Variants in PPARGC1A observed in about 807,000 individuals in gnomAD.
PPARGC1A encodes the protein PPARG coactivator 1 alpha, also known as peroxisome proliferator-activated receptor gamma coactivator 1-alpha.
Under a neutral mutation model 88.7 loss-of-function variants are expected in PPARGC1A, and 25 were observed. That is an observed-to-expected ratio of 0.28 (90% CI 0.21 to 0.39). PPARGC1A has a LOEUF of 0.39. Among genes scored for constraint, PPARGC1A ranks in the 10% least tolerant of loss-of-function variants. PPARGC1A has a pLI of 1.00. For synonymous variants in PPARGC1A, 363 were observed against 355.6 expected (o/e 1.02, Z -0.24); for missense variants, 880 against 968.7 (o/e 0.91, Z 1.22).
At chr4:24,442,961 C>A in the PPARGC1A span, among the ~76,000 whole-genome samples, 1 of 152,158 alleles carries the variant, frequency 6.6e-6, no homozygotes, top group Non-Finnish European at 1.5e-5. Flanking sequence ...GACGCAAAGA[C>A]AAGCTGCCTG....
At chr4:24,236,331 T>A in the PPARGC1A span, among the ~76,000 whole-genome samples, 1 of 152,128 alleles carries the variant, frequency 6.6e-6, no homozygotes, top group Middle Eastern at 3.2e-3. Flanking sequence ...ACTAAGGTAG[T>A]CATAAAATGG....
the PPARGC1A span, among the ~76,000 whole-genome samples, chr4:24,444,085 T>C: frequency 1.1e-4 from 16 of 152,044 alleles, no homozygotes; most frequent in Admixed American, 6.5e-4. Flanking sequence ...TTGCCCAGAC[T>C]GGAGTGCAGT....
At chr4:23,966,248 T>A in the PPARGC1A span, among the ~76,000 whole-genome samples, 1 of 152,314 alleles carries the variant, frequency 6.6e-6, no homozygotes. Context: ...GAGAGGTCAT[T>A]TCTCCTAAGG....
At chr4:24,238,772 TGTGTGTGTGTGTG>T in the PPARGC1A span, among the ~76,000 whole-genome samples, 1 of 151,110 alleles carries the variant, frequency 6.6e-6, no homozygotes, top group African/African-American at 2.4e-5. Context: ...TGTGTGTGTG[TGTGTGTGTGTGTG>T]TGTGTGTGTG....
chr4:24,051,628 T>A, the PPARGC1A span, among the ~76,000 whole-genome samples: 1 of 152,192 alleles, frequency 6.6e-6, no homozygotes, highest in African/African-American at 2.4e-5. Flanking sequence ...TTTCTTAAAT[T>A]TGTCACTGAA....
the PPARGC1A span, among the ~76,000 whole-genome samples, chr4:24,267,509 C>T: frequency 2.0e-5 from 3 of 152,158 alleles, no homozygotes; most frequent in Non-Finnish European, 2.9e-5. Flanking sequence ...TTGGCTCCTC[C>T]TTTTGTGACT....
chr4:23,828,932 C>T (rs969214832), intron 4 of PPARGC1A, among the ~76,000 whole-genome samples: 3 of 152,150 alleles, frequency 2.0e-5, no homozygotes, highest in Non-Finnish European at 4.4e-5. Flanking sequence ...ATTGCTGACG[C>T]CCAGTACTCA....
the PPARGC1A span, among the ~76,000 whole-genome samples, chr4:24,219,075 T>G: frequency 6.6e-6 from 1 of 152,330 alleles, no homozygotes; most frequent in East Asian, 1.9e-4. Flanking sequence ...GGGCTTATTT[T>G]CTCCCTTAGG....
At chr4:24,299,505 C>T in the PPARGC1A span, among the ~76,000 whole-genome samples, 1 of 152,122 alleles carries the variant, frequency 6.6e-6, no homozygotes, top group Non-Finnish European at 1.5e-5. Flanking sequence ...AAGTATCTTC[C>T]AGGGGCTAAA....
chr4:24,189,872 C>A, the PPARGC1A span, among the ~76,000 whole-genome samples: 1 of 152,156 alleles, frequency 6.6e-6, no homozygotes, highest in African/African-American at 2.4e-5. Context: ...TTCCACCCAG[C>A]AGCAGTGCCT....
chr4:24,085,168 AT>A, the PPARGC1A span, among the ~76,000 whole-genome samples: 52 of 150,252 alleles, frequency 3.5e-4, no homozygotes, highest in East Asian at 1.4e-3. Flanking sequence ...AAACCTACTT[AT>A]TTTTTTTTTC....
Position 23,889,884 on chromosome 4 carries a change from C to G in PPARGC1A, c.54+20G>C, listed in dbSNP as rs750381329. ...GAAGCGTCAGTTGTGGCTGCAGCGC[C>G]GAGCCCTGCCCCAGCTCACCTCGAT... On this transcript the variant is annotated intron_variant, in intron 1 of 12. Transcript: ENST00000264867. The G allele has an allele frequency of 1.2e-6, 2 of 1,612,178 alleles. No individual in the cohort carries two copies. The highest frequency in any genetic ancestry group is 1.7e-6 in the Non-Finnish European group (2 of 1,178,986).
intron 2 of PPARGC1A, among the ~76,000 whole-genome samples, chr4:23,862,931 C>T (rs1202979026): frequency 1.3e-5 from 2 of 152,192 alleles, no homozygotes; most frequent in Non-Finnish European, 2.9e-5. Context: ...GACTTCCTTC[C>T]AATAGCAGCC....
the PPARGC1A span, among the ~76,000 whole-genome samples, chr4:24,367,061 A>G: frequency 5.9e-5 from 9 of 152,322 alleles, no homozygotes; most frequent in East Asian, 1.7e-3. Context: ...ATCATAATGG[A>G]TAAAATTGTT....
the PPARGC1A span, among the ~76,000 whole-genome samples, chr4:24,339,221 T>TACACACAC: frequency 3.3e-3 from 183 of 55,228 alleles, 1 homozygote; most frequent in Non-Finnish European, 6.0e-3. Flanking sequence ...TGTATATATA[T>TACACACAC]ATATATATAT....
intron 2 of PPARGC1A, among the ~76,000 whole-genome samples, chr4:23,861,768 T>G (rs1459867019): frequency 6.6e-6 from 1 of 152,216 alleles, no homozygotes; most frequent in Non-Finnish European, 1.5e-5. Context: ...CACAGCTACG[T>G]GCAATTTGTA....
the PPARGC1A span, among the ~76,000 whole-genome samples, chr4:24,169,081 G>A: frequency 4.6e-5 from 7 of 152,174 alleles, no homozygotes; most frequent in Non-Finnish European, 8.8e-5. Context: ...TGGGTTGATA[G>A]TATGTTTGTG....
At chr4:24,308,928 C>G in the PPARGC1A span, among the ~76,000 whole-genome samples, 1 of 151,866 alleles carries the variant, frequency 6.6e-6, no homozygotes, top group Non-Finnish European at 1.5e-5. Context: ...AAATCACTGC[C>G]ATATCAGTGA....
chr4:24,078,661 G>C, the PPARGC1A span, among the ~76,000 whole-genome samples: 1 of 152,050 alleles, frequency 6.6e-6, no homozygotes, highest in African/African-American at 2.4e-5. Flanking sequence ...GAATTTGGCA[G>C]AGCAAAACAG....
Sources: allele counts gnomAD v4.1 joint callset (sites outside exome capture counted in the v4.1 genomes callset), GRCh38; gene constraint gnomAD v4.1.1; transcripts MANE v1.5; gene names NCBI Gene and HGNC (gene_info 2026-07-23, HGNC 2026-07-21).